The following GBF1 variants were observed in gnomAD, a reference collection of about 807,000 sequenced individuals.
The protein encoded by GBF1 is Golgi-specific brefeldin A-resistance guanine nucleotide exchange factor 1.
A neutral mutation model predicts 210.5 loss-of-function variants in GBF1; 114 were observed. The observed-to-expected ratio is 0.54, with a 90% CI of 0.47 to 0.63. The LOEUF is 0.63. GBF1 is among the 30% of genes least tolerant of loss of function. The probability of loss-of-function intolerance (pLI) is 0.00; values close to 1 mark genes in which losing one functional copy is unlikely to be tolerated. For missense variants in GBF1, 1,851 were observed against 2,357.7 expected, an observed-to-expected ratio of 0.79 and a Z score of 4.45; for synonymous variants, 850 against 889.2, an observed-to-expected ratio of 0.96 and a Z score of 0.78.
chr10:102,313,574 C>T (rs182854503), intron 3 of GBF1, among the ~76,000 whole-genome samples: 2 of 152,296 alleles, frequency 1.3e-5, no homozygotes, highest in African/African-American at 4.8e-5. Context: ...TAGAAGCCCT[C>T]ATTAATCTTC....
chr10:102,362,050 CTTT>C (rs1164670758), intron 14 of GBF1, 138 bp downstream of exon 14: 2,068 of 123,998 alleles, frequency 0.017, 1 homozygote, highest in South Asian at 0.047. Context: ...CTTTTCTTTT[CTTT>C]TTTTTTTTTT....
chr10:102,375,431 T>A lies in GBF1; in HGVS notation c.3733T>A (p.Tyr1245Asn). Residue 1245 changes from tyrosine to asparagine, a missense_variant, in exon 30 of 40, where the codon TAT becomes AAT. Tyr to Asn is a moderately radical substitution (Grantham distance 143). This residue lies in a region of GBF1 where 967 missense variants were observed against 1,247.7 expected (regional missense o/e 0.78). Transcript: ENST00000369983. The stretch of plus-strand genomic sequence containing the variant: ...ATCCCGAGTCAGCCACCAGGTTGCG[T>A]ATGGGCTCCATGAACTCCTGAAGAC... ...VLSRVSHQVA[Y>N]GLHELLKTNA... The A allele has an allele frequency of 6.2e-7, 1 of 1,613,880 alleles. No homozygotes were observed. Among genetic ancestry groups the A allele is most frequent in the Non-Finnish European group, 8.5e-7 (1 of 1,179,794 alleles).
intron 3 of GBF1, among the ~76,000 whole-genome samples, chr10:102,294,547 A>G (rs966954380): frequency 2.0e-5 from 3 of 151,274 alleles, no homozygotes; most frequent in Non-Finnish European, 2.9e-5. Context: ...ACGCCCGGCT[A>G]ATTTTTTGTA....
At chr10:102,321,736 A>G (rs1288175247) in intron 3 of GBF1, among the ~76,000 whole-genome samples, 1 of 151,896 alleles carries the variant, frequency 6.6e-6, no homozygotes, top group Non-Finnish European at 1.5e-5. Context: ...CACCTGGCTA[A>G]TTTTTTGTAG....
At chr10:102,253,320 C>G (rs1343407475) in intron 1 of GBF1, among the ~76,000 whole-genome samples, 1 of 152,166 alleles carries the variant, frequency 6.6e-6, no homozygotes, top group Non-Finnish European at 1.5e-5. Context: ...TGTTAGTTCC[C>G]CCACACTCCC....
chr10:102,311,501 A>G (rs2078428058), intron 3 of GBF1, among the ~76,000 whole-genome samples: 1 of 152,234 alleles, frequency 6.6e-6, no homozygotes, highest in South Asian at 2.1e-4. Flanking sequence ...CTTTTTCTCC[A>G]GGATGATCTT....
chr10:102,322,636 C>T (rs1321218587), intron 3 of GBF1, among the ~76,000 whole-genome samples: 1 of 145,146 alleles, frequency 6.9e-6, no homozygotes, highest in Non-Finnish European at 1.5e-5. Context: ...AATTCTAGCA[C>T]TTTGGGAGGC....
chr10:102,339,991 T>C (rs1424638068), intron 3 of GBF1, among the ~76,000 whole-genome samples: 1 of 146,736 alleles, frequency 6.8e-6, no homozygotes, highest in African/African-American at 2.5e-5. Context: ...TCTCACTTTG[T>C]CACCCAGGCT....
intron 3 of GBF1, among the ~76,000 whole-genome samples, chr10:102,305,994 G>A (rs2077827130): frequency 6.6e-6 from 1 of 152,192 alleles, no homozygotes; most frequent in South Asian, 2.1e-4. Flanking sequence ...TGATGAATAG[G>A]TAGGTTGGAT....
chr10:102,373,118 A>C (rs2060300901), intron 29 of GBF1, among the ~76,000 whole-genome samples: 1 of 152,262 alleles, frequency 6.6e-6, no homozygotes, highest in Admixed American at 6.5e-5. Flanking sequence ...ACATATTTGA[A>C]GAAAGGTATC....
chr10:102,338,154 A>G (rs1481587915), intron 3 of GBF1, among the ~76,000 whole-genome samples: 5 of 151,784 alleles, frequency 3.3e-5, no homozygotes, highest in Admixed American at 3.3e-4. Flanking sequence ...TTTCATCAGT[A>G]GGTTTCTATA....
At chr10:102,244,154 A>C (rs1455610890), upstream of GBF1, among the ~76,000 whole-genome samples, 1 of 152,176 alleles carries the variant, frequency 6.6e-6, no homozygotes, top group Non-Finnish European at 1.5e-5. Context: ...CAAAAGACAA[A>C]AAAACAAAAC....
intron 3 of GBF1, among the ~76,000 whole-genome samples, chr10:102,272,305 A>G (rs1017169735): frequency 6.6e-6 from 1 of 152,088 alleles, no homozygotes; most frequent in Non-Finnish European, 1.5e-5. Flanking sequence ...GAGTTTCGCC[A>G]TGTTGGCCAG....
rs758260903 is a variant in GBF1 at position 102,363,959 on chromosome 10, C to T, written c.2106+161C>T. The stretch of plus-strand genomic sequence containing the variant: ...GGACTTCAGCAACTCCCATTTGAAG[C>T]CCTTCCCTTACTCCTAAGCTATGTA... On this transcript the variant is annotated intron_variant, in intron 17 of 39. Coordinates refer to ENST00000369983, the MANE Select transcript of GBF1 (RefSeq NM_001377137.1). This position sits in a 1 kb window ranked among gnomAD's most constrained non-coding sequence, Gnocchi z 4.2. Among the ~76,000 whole-genome samples the T allele has an allele frequency of 3.9e-5, 6 of 152,080 alleles. No individual in the cohort carries two copies. The highest frequency in any genetic ancestry group is 7.3e-5 in the Non-Finnish European group (5 of 68,040).
the GBF1 span, among the ~76,000 whole-genome samples, chr10:102,236,301 C>T: frequency 6.6e-6 from 1 of 152,174 alleles, no homozygotes; most frequent in Non-Finnish European, 1.5e-5. Context: ...CTGGAAGCCG[C>T]AGGATTGGTT....
At chr10:102,380,215 G>A (rs371049388) in intron 36 of GBF1, 34 bp from the exon 37 acceptor site, 35 of 1,426,936 alleles carry the variant, frequency 2.5e-5, no homozygotes, top group Non-Finnish European at 3.3e-5. Flanking sequence ...GGCTCCTACA[G>A]TCCCCTCAGC....
Position 102,368,819 on chromosome 10 carries a change from C to G in GBF1, c.2960C>G (p.Ala987Gly). The G allele has an allele frequency of 6.2e-7, 1 of 1,607,742 alleles. No individual in the cohort carries two copies. Among genetic ancestry groups the G allele is most frequent in the Non-Finnish European group, 8.5e-7 (1 of 1,174,228 alleles). ...NLIISLCKFT[A>G]LSSESIENLP... ...ATCATCTCTCTATGCAAATTCACAGCTCTCAGCAGTGAGGTGAGCAGGTGC... is the reference window on the plus strand; with the variant it reads ...ATCATCTCTCTATGCAAATTCACAGGTCTCAGCAGTGAGGTGAGCAGGTGC... The change falls in exon 23 of 40, where the codon GCT becomes GGT. Residue 987 changes from alanine (A) to glycine (G), a missense_variant. This residue lies in a region of GBF1 where 967 missense variants were observed against 1,247.7 expected (regional missense o/e 0.78). Transcript: ENST00000369983.
At chr10:102,359,619 C>G (rs2059480961) in intron 11 of GBF1, among the ~76,000 whole-genome samples, 184 bp downstream of exon 11, 1 of 151,978 alleles carries the variant, frequency 6.6e-6, no homozygotes. Flanking sequence ...CCTTCCCTAA[C>G]TTATACTACA....
chr10:102,291,206 A>G (rs899121662), intron 3 of GBF1, among the ~76,000 whole-genome samples: 1 of 151,504 alleles, frequency 6.6e-6, no homozygotes, highest in Non-Finnish European at 1.5e-5. Context: ...TTTGTTTTAA[A>G]TAATACCCAG....
Sources: gnomAD v4.1 joint callset for allele counts (sites outside exome capture counted in the v4.1 genomes callset) on GRCh38, gnomAD v4.1.1 for gene constraint, gnomAD v4.1.1 regional missense constraint, Gnocchi (gnomAD v3.1) non-coding constraint, MANE v1.5 for transcripts, NCBI Gene and HGNC (gene_info 2026-07-23, HGNC 2026-07-21) for gene names.